Variants in KDM2B observed in about 807,000 individuals in gnomAD.
The protein encoded by KDM2B is lysine-specific demethylase 2B.
A neutral mutation model predicts 150.0 loss-of-function variants in KDM2B; 26 were observed. That is an observed-to-expected ratio of 0.17 (90% CI 0.13 to 0.24). The LOEUF is 0.24. Among genes scored for constraint, KDM2B ranks in the 10% least tolerant of loss-of-function variants. KDM2B has a pLI of 1.00. For missense variants in KDM2B, 1,265 were observed against 1,816.9 expected (o/e 0.70, Z 5.52); for synonymous variants, 734 against 729.5 (o/e 1.01, Z -0.10).
intron 12 of KDM2B, among the ~76,000 whole-genome samples, chr12:121,483,431 G>A (rs1031550991): frequency 6.6e-6 from 1 of 152,108 alleles, no homozygotes; most frequent in Non-Finnish European, 1.5e-5. Flanking sequence ...CTAGCACTTT[G>A]GGAGGCTGAG....
intron 6 of KDM2B, among the ~76,000 whole-genome samples, chr12:121,541,983 C>T (rs1032992919): frequency 6.6e-6 from 1 of 152,184 alleles, no homozygotes; most frequent in Non-Finnish European, 1.5e-5. Flanking sequence ...CTTTGATACA[C>T]CTCCCTTCGA....
intron 9 of KDM2B, among the ~76,000 whole-genome samples, chr12:121,514,833 C>A (rs139352817): frequency 2.4e-3 from 1 of 410 alleles, no homozygotes; most frequent in East Asian, 0.028. Flanking sequence ...TCACACCCCC[C>A]CACCCCCTAA....
At chr12:121,428,396 T>C (rs1173583684), downstream of KDM2B, among the ~76,000 whole-genome samples, 1 of 152,158 alleles carries the variant, frequency 6.6e-6, no homozygotes, top group Non-Finnish European at 1.5e-5. Context: ...TTTCACCATA[T>C]TGTGGTCAGG....
intron 12 of KDM2B, among the ~76,000 whole-genome samples, chr12:121,488,010 T>G (rs1882958229): frequency 1.3e-5 from 2 of 152,072 alleles, no homozygotes; most frequent in Admixed American, 1.3e-4. Flanking sequence ...CTCGAACTCC[T>G]GACCTCAACT....
rs1413959731 is a variant in KDM2B, at chr12:121,467,258, G to GCGCCGC, written c.1735-13920_1735-13915dup. The GCGCCGC allele has an allele frequency of 4.3e-5, 43 of 989,346 alleles. No individual in the cohort carries two copies. In the South Asian group the frequency reaches 1.6e-3, roughly 36 times the overall value. 61.3% of individuals were successfully genotyped at this position (989,346 alleles called of 1,614,324 possible). A position where few individuals can be genotyped will look rare whatever the true frequency, so the allele number is the denominator to read the frequency against. On this transcript the variant is annotated intron_variant, in intron 12 of 22. Transcript: ENST00000377071. This position sits in a 1 kb window ranked among gnomAD's most constrained non-coding sequence, Gnocchi z 5.1. ...CGCGCGCGCTGACATGGCTGGAGCG[G>GCGCCGC]CGCCGCCGCCGCCGCCCGCCCGGAG...
At chr12:121,412,952 T>G in the KDM2B span, among the ~76,000 whole-genome samples, 1 of 151,860 alleles carries the variant, frequency 6.6e-6, no homozygotes, top group African/African-American at 2.4e-5. Context: ...CTTGACCTCA[T>G]GATCTGCTCC....
At chr12:121,420,679 G>T in the KDM2B span, 1 of 1,614,094 alleles carries the variant, frequency 6.2e-7, no homozygotes, top group Admixed American at 1.7e-5. Flanking sequence ...GGAAATTCTG[G>T]CTCGGAATTT....
At position 121,444,016 on chromosome 12, in the gene KDM2B, T is replaced by G; in HGVS notation, c.2447A>C (p.Lys816Thr). Residue 816 changes from lysine (K) to threonine (T), a missense_variant, in exon 16 of 23, where the codon AAG becomes ACG. Coordinates refer to ENST00000377071, the MANE Select transcript of KDM2B (RefSeq NM_032590.5). Reference protein sequence around the residue: ...YEKPQELSGRKRASSLQTSPG... With the variant: ...YEKPQELSGRTRASSLQTSPG... ...CCAGCCCCTCCTGGTCCGTACCCGCTTGCGTCCACTCAGCTCCTGGGGCTT... is the reference window on the plus strand; with the variant it reads ...CCAGCCCCTCCTGGTCCGTACCCGCGTGCGTCCACTCAGCTCCTGGGGCTT... 1 of 1,609,050 alleles carries G rather than the reference T, an allele frequency of 6.2e-7. No homozygotes were observed.
intron 12 of KDM2B, among the ~76,000 whole-genome samples, chr12:121,464,257 G>T (rs1555294341): frequency 6.6e-6 from 1 of 152,194 alleles, no homozygotes; most frequent in East Asian, 1.9e-4. Flanking sequence ...GATGGAACAA[G>T]AATTCTTCTA....
chr12:121,467,082 G>T lies in KDM2B; in HGVS notation c.1735-13738C>A, dbSNP rs1173492648. The T allele has an allele frequency of 4.6e-6, 4 of 875,958 alleles. No homozygotes were observed. The highest frequency in any genetic ancestry group is 2.9e-6 in the Non-Finnish European group (2 of 700,320). The allele number at this position is 875,958 out of a possible 1,614,324, so 54.3% of individuals were successfully genotyped here. On this transcript the variant is annotated intron_variant, in intron 12 of 22. Transcript: ENST00000377071. This position sits in a 1 kb window ranked among gnomAD's most constrained non-coding sequence, Gnocchi z 5.1. The stretch of plus-strand genomic sequence containing the variant: ...TCGCGGCGGCGGCGGCGTCGCGGCC[G>T]CCCTCGGCGCGTCAGACAGGCGGTC...
chr12:121,416,710 T>C, the KDM2B span: 1 of 212,190 alleles, frequency 4.7e-6, no homozygotes, highest in Non-Finnish European at 9.6e-6. Context: ...ATGATTCAGA[T>C]TCAAGTTTCA....
intron 8 of KDM2B, among the ~76,000 whole-genome samples, chr12:121,532,331 C>T (rs1887726776): frequency 6.6e-6 from 1 of 152,142 alleles, no homozygotes; most frequent in Non-Finnish European, 1.5e-5. Flanking sequence ...GAACTGGAGG[C>T]AAGGAGATCT....
chr12:121,439,544 C>G (rs1182830969), intron 22 of KDM2B, among the ~76,000 whole-genome samples: 2 of 151,752 alleles, frequency 1.3e-5, no homozygotes, highest in African/African-American at 4.9e-5. Context: ...CAACCCCCGG[C>G]TAATTTTTGT....
chr12:121,442,549 G>A lies in KDM2B; in HGVS notation c.2892C>T (p.Ser964=), dbSNP rs782457880. Residue 964 remains serine, a synonymous_variant, in exon 19 of 23, where the codon AGC becomes AGT. Transcript: ENST00000377071. This position sits in a 1 kb window ranked among gnomAD's most constrained non-coding sequence, Gnocchi z 7.7. ...TGGGCTGCTGGTTCTCGTTGGCCAGGCTGTTCTCCGTCCTCTGGATCTCGT... is the reference window on the plus strand; with the variant it reads ...TGGGCTGCTGGTTCTCGTTGGCCAGACTGTTCTCCGTCCTCTGGATCTCGT... The part of the protein sequence containing the change: ...LNHEIQRTEN[S]LANENQQPIK... 1.2e-6 allele frequency: 2 copies of A among 1,600,094 alleles called. No individual in the cohort carries two copies. Among genetic ancestry groups the A allele is most frequent in the Admixed American group, 3.3e-5 (2 of 60,016 alleles).
chr12:121,444,572 C>T (rs200815260), intron 14 of KDM2B, 36 bp from the exon 15 acceptor site: 289 of 1,580,918 alleles, frequency 1.8e-4, no homozygotes, highest in Non-Finnish European at 2.2e-4. Context: ...GAGGGACGGG[C>T]GGAGAAGATG....
Position 121,516,562 on chromosome 12 carries a change from A to T in KDM2B, c.1048-3160T>A, listed in dbSNP as rs1555305041. 3 of 1,439,544 alleles carry T rather than the reference A, an allele frequency of 2.1e-6. No homozygotes were observed. In the South Asian group the frequency reaches 4.0e-5, roughly 19 times the overall value. The allele number at this position is 1,439,544 out of a possible 1,614,324, so 89.2% of individuals were successfully genotyped here. A position where few individuals can be genotyped will look rare whatever the true frequency, so the allele number is the denominator to read the frequency against. ...TACGGTTGCTCAACATTATTTGTTG[A>T]CAGACTCGGAGCCTCACCAAATTGA... On this transcript the variant is annotated intron_variant, in intron 9 of 22. Transcript: ENST00000377071.
At chr12:121,502,820 G>A (rs1323235743) in intron 11 of KDM2B, among the ~76,000 whole-genome samples, 1 of 148,244 alleles carries the variant, frequency 6.7e-6, no homozygotes, top group Non-Finnish European at 1.5e-5. Flanking sequence ...TCGCATGCCT[G>A]TAGTCCCAGC....
rs1481115208 is a variant in KDM2B at position 121,429,825 on chromosome 12, ATAATG to A, written c.*458_*462del. The A allele has an allele frequency of 5.4e-6, 3 of 558,130 alleles. No homozygotes were observed. The highest frequency in any genetic ancestry group is 9.5e-6 in the Non-Finnish European group (3 of 316,540). The allele number at this position is 558,130 out of a possible 1,614,324, so 34.6% of individuals were successfully genotyped here. A position where few individuals can be genotyped will look rare whatever the true frequency, so the allele number is the denominator to read the frequency against. ...ACAATTTGTACAAAAATAGTTCTGC[ATAATG>A]TAAGATGTAACAAAACCAACCAAAC... is the stretch of plus-strand genomic sequence containing the variant. On this transcript the variant is annotated 3_prime_UTR_variant, in exon 23 of 23. Transcript: ENST00000377071.
chr12:121,553,980 G>A (rs1448936684), intron 4 of KDM2B, among the ~76,000 whole-genome samples: 3 of 151,396 alleles, frequency 2.0e-5, no homozygotes, highest in South Asian at 2.1e-4. Flanking sequence ...TGGAAGGAGC[G>A]CTGGGCCCTA....
Sources: gnomAD v4.1 joint callset for allele counts (sites outside exome capture counted in the v4.1 genomes callset) on GRCh38, gnomAD v4.1.1 for gene constraint, Gnocchi (gnomAD v3.1) non-coding constraint, MANE v1.5 for transcripts, NCBI Gene and HGNC (gene_info 2026-07-23, HGNC 2026-07-21) for gene names.